TMEM164: variants seen among roughly 807,000 people sequenced by gnomAD.
TMEM164 encodes transmembrane protein 164.
TMEM164 carries 4 observed loss-of-function variants against 18.8 expected under a neutral mutation model. That is an observed-to-expected ratio of 0.21 (90% CI 0.10 to 0.49). The LOEUF (loss-of-function observed/expected upper bound fraction) is 0.49, where lower values mean the gene tolerates loss of function less well. Among genes scored for constraint, TMEM164 ranks in the 20% least tolerant of loss-of-function variants. The probability of loss-of-function intolerance (pLI) is 0.98; values close to 1 mark genes in which losing one functional copy is unlikely to be tolerated. For synonymous variants in TMEM164, 86 were observed against 101.7 expected (o/e 0.85, Z 0.93); for missense variants, 108 against 239.9 (o/e 0.45, Z 3.63).
chrX:110,085,396 G>A (rs185725676), intron 3 of TMEM164, among the ~76,000 whole-genome samples: 2 of 108,477 alleles, frequency 1.8e-5, no homozygotes, highest in East Asian at 5.7e-4. Context: ...TGAACTCCTG[G>A]CCTCAAGTGA....
At chrX:110,093,831 T>C (rs2065971628) in intron 3 of TMEM164, among the ~76,000 whole-genome samples, 1 of 112,441 alleles carries the variant, frequency 8.9e-6, no homozygotes, top group Admixed American at 9.5e-5. Context: ...TTTAGTGCTA[T>C]AAATTTTCCT....
At chrX:110,159,612 G>A (rs1247646434) in intron 5 of TMEM164, among the ~76,000 whole-genome samples, 1 of 110,642 alleles carries the variant, frequency 9.0e-6, no homozygotes, top group Non-Finnish European at 1.9e-5. Flanking sequence ...AAAAGAAGGT[G>A]GTAAGCTAAG....
At chrX:110,138,680 T>C (rs1316629221) in intron 4 of TMEM164, among the ~76,000 whole-genome samples, 1 of 112,297 alleles carries the variant, frequency 8.9e-6, no homozygotes, top group African/African-American at 3.2e-5. Flanking sequence ...ATCAACTGCA[T>C]CAAATACTGT....
At chrX:110,014,805 A>G (rs766521211) in intron 2 of TMEM164, among the ~76,000 whole-genome samples, 36 of 93,399 alleles carry the variant, frequency 3.9e-4, no homozygotes, top group Non-Finnish European at 5.9e-4. Context: ...GGGGAGTGCA[A>G]CTTTCTCCAG....
chrX:110,027,434 G>A (rs771629367), intron 2 of TMEM164, among the ~76,000 whole-genome samples: 59 of 111,375 alleles, frequency 5.3e-4, no homozygotes, highest in Non-Finnish European at 9.0e-4. Flanking sequence ...CCTGGATATG[G>A]TTTGCTAGTA....
chrX:110,060,372 A>C (rs1367939372), intron 2 of TMEM164, among the ~76,000 whole-genome samples: 1 of 110,617 alleles, frequency 9.0e-6, no homozygotes, highest in Non-Finnish European at 1.9e-5. Flanking sequence ...ATCAGGGGTA[A>C]CTCTGAGGTG....
rs1021343722 is a variant in TMEM164 at position 110,177,760 on chromosome X, A to G, written c.*4309A>G. On this transcript the variant is annotated 3_prime_UTR_variant, in exon 7 of 7. Transcript: ENST00000372068. ...GGGCTTACTGTTATAATGTTTCTTC[A>G]TTTACTGTTATTAAAAGATTTATGA... is the stretch of plus-strand genomic sequence containing the variant. 1 of 112,138 alleles carries G rather than the reference A, an allele frequency of 8.9e-6. No individual in the cohort carries two copies. The highest frequency in any genetic ancestry group is 1.9e-5 in the Non-Finnish European group (1 of 53,189). 9.2% of individuals were successfully genotyped at this position (112,138 alleles called of 1,213,427 possible).
rs1934084239 is a variant in TMEM164, at chrX:110,024,431, A to T, written c.390+20267A>T. ...CTCGAGTAACTAGGACCACAGGCACATGCCATCGCACCTGGCTGATTTTTA... is the reference window on the plus strand; with the variant it reads ...CTCGAGTAACTAGGACCACAGGCACTTGCCATCGCACCTGGCTGATTTTTA... On this transcript the variant is annotated intron_variant, in intron 2 of 6. Coordinates refer to ENST00000372068, the MANE Select transcript of TMEM164 (RefSeq NM_032227.4). Among the ~76,000 whole-genome samples, 3 of 111,305 alleles carry T rather than the reference A, an allele frequency of 2.7e-5. No homozygotes were observed. The South Asian group carries it at 1.1e-3, about 42-fold the overall frequency.
intron 3 of TMEM164, among the ~76,000 whole-genome samples, chrX:110,093,908 A>G (rs1185637886): frequency 1.8e-5 from 2 of 111,667 alleles, no homozygotes; most frequent in Non-Finnish European, 3.8e-5. Flanking sequence ...ATTGGTTTCA[A>G]AGAACATCTT....
chrX:110,018,075 T>C lies in TMEM164; in HGVS notation c.390+13911T>C, dbSNP rs1441786060. Among the ~76,000 whole-genome samples, 4 of 111,481 alleles carry C rather than the reference T, an allele frequency of 3.6e-5. No homozygotes were observed. The Admixed American group carries it at 3.8e-4, about 11-fold the overall frequency. On this transcript the variant is annotated intron_variant, in intron 2 of 6. Coordinates refer to ENST00000372068, the MANE Select transcript of TMEM164 (RefSeq NM_032227.4). Reference sequence around the variant, plus strand: ...GGGTTGCTTGCAGATGTTGGTTGTTTGGAAATGGGACCCACTCAGCTGCGG... The same window carrying C: ...GGGTTGCTTGCAGATGTTGGTTGTTCGGAAATGGGACCCACTCAGCTGCGG...
intron 2 of TMEM164, among the ~76,000 whole-genome samples, chrX:110,032,956 T>C (rs957020943): frequency 2.7e-5 from 3 of 112,476 alleles, no homozygotes; most frequent in African/African-American, 9.7e-5. Flanking sequence ...TGAACTGTTT[T>C]GGAGTAGGAA....
Position 110,053,535 on chromosome X carries a change from C to T in TMEM164, c.391-13812C>T, listed in dbSNP as rs183445121. Among the ~76,000 whole-genome samples the T allele has an allele frequency of 9.7e-3, 1,088 of 111,667 alleles. 9 individuals are homozygous for T. Among genetic ancestry groups the T allele is most frequent in the African/African-American group, 0.032 (972 of 30,726 alleles). ...ATACTTTCTTTTAAAAAAAATACAC[C>T]TCTCCCCCACCATCATAAAAACCCC... is the stretch of plus-strand genomic sequence containing the variant. On this transcript the variant is annotated intron_variant, in intron 2 of 6. Transcript: ENST00000372068.
intron 3 of TMEM164, among the ~76,000 whole-genome samples, chrX:110,093,047 C>G (rs1396591021): frequency 9.0e-6 from 1 of 111,674 alleles, no homozygotes; most frequent in Non-Finnish European, 1.9e-5. Flanking sequence ...GCCTTGCATC[C>G]CAGGGATGAA....
At chrX:110,020,738 A>G in intron 2 of TMEM164, 2 of 715,546 alleles carry the variant, frequency 2.8e-6, no homozygotes, top group South Asian at 7.2e-5. Context: ...TTACTCTACA[A>G]ATGTTAATGT....
intron 2 of TMEM164, among the ~76,000 whole-genome samples, chrX:110,010,948 G>A (rs757447790): frequency 9.0e-6 from 1 of 111,652 alleles, no homozygotes; most frequent in Non-Finnish European, 1.9e-5. Context: ...CCGCTTTCCA[G>A]TCTCTAAGAT....
At chrX:110,111,427 C>G (rs1274797041) in intron 4 of TMEM164, among the ~76,000 whole-genome samples, 2 of 112,432 alleles carry the variant, frequency 1.8e-5, no homozygotes, top group African/African-American at 6.5e-5. Flanking sequence ...ATCTTATCAT[C>G]TCTCTGCTCC....
chrX:110,037,984 ATTTTTTT>A (rs1036705725), intron 2 of TMEM164, among the ~76,000 whole-genome samples: 2 of 72,694 alleles, frequency 2.8e-5, no homozygotes, highest in Admixed American at 1.7e-4. Context: ...CTTTGGACTC[ATTTTTTT>A]TTTTTTTTTT....
At chrX:110,076,178 T>G (rs2065669804) in intron 3 of TMEM164, among the ~76,000 whole-genome samples, 1 of 110,487 alleles carries the variant, frequency 9.1e-6, no homozygotes, top group African/African-American at 3.3e-5. Context: ...GCCCAAGGTT[T>G]TAGTTTCTTC....
chrX:110,126,021 A>C (rs1332821056), intron 4 of TMEM164, among the ~76,000 whole-genome samples: 2 of 112,585 alleles, frequency 1.8e-5, no homozygotes, highest in Non-Finnish European at 3.8e-5. Flanking sequence ...GTTGGCTCAA[A>C]TGGCAGGGCG....
Sources: allele counts gnomAD v4.1 joint callset (sites outside exome capture counted in the v4.1 genomes callset), GRCh38; gene constraint gnomAD v4.1.1; transcripts MANE v1.5; gene names NCBI Gene and HGNC (gene_info 2026-07-23, HGNC 2026-07-21).